AMD1: variants seen among roughly 807,000 people sequenced by gnomAD.
AMD1 encodes S-adenosylmethionine decarboxylase proenzyme.
In AMD1, 11 loss-of-function variants were observed where a neutral mutation model predicts 40.2. That is an observed-to-expected ratio of 0.27 (90% CI 0.17 to 0.45). The LOEUF (loss-of-function observed/expected upper bound fraction) is 0.45. AMD1 is among the 20% of genes least tolerant of loss of function. The pLI, the probability that AMD1 is intolerant of heterozygous loss-of-function variation, is 1.00. For synonymous variants in AMD1, 121 were observed against 130.8 expected (o/e 0.93, Z 0.51); for missense variants, 257 against 410.2 (o/e 0.63, Z 3.23).
At chr6:110,815,019 G>A in the AMD1 span, 2 of 1,603,622 alleles carry the variant, frequency 1.2e-6, no homozygotes, top group South Asian at 2.2e-5. Context: ...CCATCTTTCC[G>A]CCTCGCCTTG....
At chr6:110,833,520 T>G in the AMD1 span, among the ~76,000 whole-genome samples, 1 of 152,232 alleles carries the variant, frequency 6.6e-6, no homozygotes, top group Non-Finnish European at 1.5e-5. Flanking sequence ...CTATTAAATA[T>G]TCTCAGGAAT....
At chr6:110,847,279 A>T in the AMD1 span, among the ~76,000 whole-genome samples, 9 of 152,164 alleles carry the variant, frequency 5.9e-5, no homozygotes, top group Admixed American at 1.3e-4. Context: ...TAATCCCAGC[A>T]CTTTGGGAGG....
At chr6:110,852,200 A>AT in the AMD1 span, among the ~76,000 whole-genome samples, 1,442 of 51,292 alleles carry the variant, frequency 0.028, 435 homozygotes, top group Non-Finnish European at 0.045. Context: ...CGCCTGGCTA[A>AT]TTTTTTTTTT....
chr6:110,824,455 T>C, the AMD1 span, among the ~76,000 whole-genome samples: 1 of 152,042 alleles, frequency 6.6e-6, no homozygotes, highest in Non-Finnish European at 1.5e-5. Context: ...AGATAAAAAA[T>C]GACATATTGG....
chr6:110,828,641 C>A, the AMD1 span, among the ~76,000 whole-genome samples: 1 of 152,090 alleles, frequency 6.6e-6, no homozygotes, highest in Non-Finnish European at 1.5e-5. Context: ...AAAATTATGA[C>A]TATATTTAAA....
At chr6:110,892,011 T>C (rs1436554190) in intron 4 of AMD1, 150 bp from the exon 5 acceptor site, 3 of 913,014 alleles carry the variant, frequency 3.3e-6, no homozygotes, top group East Asian at 2.4e-5. Context: ...GGTGGGATTA[T>C]AGACATGAGC....
the AMD1 span, among the ~76,000 whole-genome samples, chr6:110,819,218 G>A: frequency 6.6e-6 from 1 of 152,230 alleles, no homozygotes; most frequent in Admixed American, 6.5e-5. Context: ...TGAGCCGGGC[G>A]TGGTGGCGCA....
intron 2 of AMD1, 169 bp from the exon 3 acceptor site, chr6:110,888,688 G>A (rs1303837788): frequency 1.9e-6 from 1 of 529,658 alleles, no homozygotes; most frequent in Non-Finnish European, 3.2e-6. Context: ...CCAAGCCCTG[G>A]GGATGTTTTG....
chr6:110,856,314 C>G, the AMD1 span: 1 of 152,156 alleles, frequency 6.6e-6, no homozygotes, highest in Non-Finnish European at 1.5e-5. Flanking sequence ...ATGGCTGCCA[C>G]TCCTCACACT....
chr6:110,832,010 ATTTT>A, the AMD1 span, among the ~76,000 whole-genome samples: 2 of 128,218 alleles, frequency 1.6e-5, no homozygotes, highest in African/African-American at 3.0e-5. Context: ...TGCCTGGCTA[ATTTT>A]TTTTTTTTTT....
chr6:110,888,043 G>T (rs1480703157), intron 2 of AMD1, among the ~76,000 whole-genome samples: 1 of 152,080 alleles, frequency 6.6e-6, no homozygotes, highest in African/African-American at 2.4e-5. Context: ...GTGTAACGTG[G>T]ATGTTTCTAG....
chr6:110,817,391 C>T, the AMD1 span, among the ~76,000 whole-genome samples: 1 of 152,100 alleles, frequency 6.6e-6, no homozygotes, highest in African/African-American at 2.4e-5. Context: ...GGGTGGATCA[C>T]GAGGTCTGGA....
chr6:110,853,586 C>T, the AMD1 span, among the ~76,000 whole-genome samples: 1 of 152,058 alleles, frequency 6.6e-6, no homozygotes, highest in Non-Finnish European at 1.5e-5. Flanking sequence ...GGATTACAGG[C>T]GTGAGCCACC....
At chr6:110,814,754 G>A in the AMD1 span, 6 of 641,974 alleles carry the variant, frequency 9.3e-6, no homozygotes, top group East Asian at 3.1e-5. Flanking sequence ...CCGAGCACTC[G>A]GAGGGCGCCC....
chr6:110,831,393 C>G, the AMD1 span, among the ~76,000 whole-genome samples: 2 of 150,780 alleles, frequency 1.3e-5, no homozygotes, highest in African/African-American at 2.4e-5. Context: ...GAGCGGAGAC[C>G]GTGGCATTGT....
At chr6:110,850,309 CT>C in the AMD1 span, among the ~76,000 whole-genome samples, 1 of 152,150 alleles carries the variant, frequency 6.6e-6, no homozygotes, top group African/African-American at 2.4e-5. Context: ...GAGGTAAACT[CT>C]TAGACGTTGG....
In AMD1 at chr6:110,892,727, C is replaced by CCA. The variant is rs1255362434; in HGVS notation, c.616-7_616-6insAC. 6.2e-7 allele frequency: 1 copy of CCA among 1,606,860 alleles called. No individual in the cohort carries two copies. Among genetic ancestry groups the CCA allele is most frequent in the Non-Finnish European group, 8.5e-7 (1 of 1,175,378 alleles). Reference sequence around the variant, plus strand: ...CCCTTGTTAAACTCGGTCTTTTTCCCCCCCCAGGAGAGTGGAATTCGTGAC... The same window carrying CCA: ...CCCTTGTTAAACTCGGTCTTTTTCCCCACCCCCAGGAGAGTGGAATTCGTGAC... On this transcript the variant is annotated splice_region_variant and splice_polypyrimidine_tract_variant and intron_variant, in intron 6 of 8. Transcript: ENST00000368885.
At chr6:110,818,530 A>G in the AMD1 span, among the ~76,000 whole-genome samples, 1 of 151,388 alleles carries the variant, frequency 6.6e-6, no homozygotes, top group African/African-American at 2.4e-5. Flanking sequence ...TTATTTATAT[A>G]TATATTTATT....
At chr6:110,843,064 T>C in the AMD1 span, among the ~76,000 whole-genome samples, 2 of 147,436 alleles carry the variant, frequency 1.4e-5, no homozygotes, top group South Asian at 2.2e-4. Flanking sequence ...ACCTGGGAGG[T>C]AGAGGTTGCA....
Sources: gnomAD v4.1 joint callset for allele counts (sites outside exome capture counted in the v4.1 genomes callset) on GRCh38, gnomAD v4.1.1 for gene constraint, MANE v1.5 for transcripts, NCBI Gene and HGNC (gene_info 2026-07-23, HGNC 2026-07-21) for gene names.